CRYBG3: variants seen among roughly 807,000 people sequenced by gnomAD.
CRYBG3 encodes the protein very large A-kinase anchor protein.
CRYBG3 carries 127 observed loss-of-function variants against 244.2 expected under a neutral mutation model. That is an observed-to-expected ratio of 0.52 (90% CI 0.45 to 0.60). CRYBG3 has a LOEUF of 0.60. Ranked by LOEUF, CRYBG3 falls within the 20% of genes least tolerant of loss-of-function variation. The pLI is 0.00. For missense variants in CRYBG3, 3,325 were observed against 3,442.5 expected, an observed-to-expected ratio of 0.97 and a Z score of 0.85; for synonymous variants, 1,132 against 1,195.8, an observed-to-expected ratio of 0.95 and a Z score of 1.10.
intron 3 of CRYBG3, chr3:97,866,930 T>C (rs1051352397): frequency 1.3e-5 from 2 of 152,198 alleles, no homozygotes; most frequent in African/African-American, 4.8e-5. Context: ...CCGGCTTCCT[T>C]CAGGCCTAGC....
At position 97,845,065 on chromosome 3, in the gene CRYBG3, C is replaced by T. The variant is rs1006842360; in HGVS notation, c.216+1804C>T. On this transcript the variant is annotated intron_variant, in intron 2 of 21. Transcript: ENST00000389622. Reference sequence around the variant, plus strand: ...ACTGGTAGGATTTCTTCAACCTAGCCGCACAGACCCAGTTGTTCAGGGACT... The same window carrying T: ...ACTGGTAGGATTTCTTCAACCTAGCTGCACAGACCCAGTTGTTCAGGGACT... Among the ~76,000 whole-genome samples the T allele has an allele frequency of 6.6e-5, 10 of 152,092 alleles. No individual in the cohort carries two copies. The East Asian group carries it at 1.3e-3, about 20-fold the overall frequency.
rs12497993 is a variant in CRYBG3, at chr3:97,929,075, C to A, written c.8242-4619C>A. 2.7e-3 allele frequency among the ~76,000 whole-genome samples: 410 copies of A among 151,892 alleles called. 1 individual carries two copies. The highest frequency in any genetic ancestry group is 6.8e-3 in the Middle Eastern group (2 of 294). The stretch of plus-strand genomic sequence containing the variant: ...GAAATTTTCATTTATACAATTTGGT[C>A]GAGTATTCTTTTTCTTTGACAACTA... On this transcript the variant is annotated intron_variant, in intron 17 of 21. Transcript: ENST00000389622.
intron 12 of CRYBG3, among the ~76,000 whole-genome samples, chr3:97,896,568 A>T (rs2039642759): frequency 6.6e-6 from 1 of 152,342 alleles, no homozygotes; most frequent in African/African-American, 2.4e-5. Flanking sequence ...GAAGTTCTAG[A>T]AACAGGGTGA....
intron 18 of CRYBG3, among the ~76,000 whole-genome samples, chr3:97,935,997 A>AC (rs2040159728): frequency 6.6e-6 from 1 of 152,096 alleles, no homozygotes; most frequent in African/African-American, 2.4e-5. Context: ...TGACTCCAGC[A>AC]CATTCTCTTT....
At position 97,822,308 on chromosome 3, in the gene CRYBG3, G is replaced by A. The variant is rs1347918845; in HGVS notation, c.102G>A (p.Glu34=). 7 of 1,523,792 alleles carry A rather than the reference G, an allele frequency of 4.6e-6. No homozygotes were observed. The highest frequency in any genetic ancestry group is 6.1e-6 in the Non-Finnish European group (7 of 1,141,456). The allele number at this position is 1,523,792 out of a possible 1,614,324, so 94.4% of individuals were successfully genotyped here. A position where few individuals can be genotyped will look rare whatever the true frequency, so the allele number is the denominator to read the frequency against. ...PSRDKEEEEE[E]RPGTSPPPAP... is the part of the protein sequence containing the mutation. ...GGGACAAGGAAGAGGAAGAGGAGGA[G>A]AGGCCGGGGACGAGCCCGCCTCCAG... The change falls in exon 1 of 22, where the codon GAG becomes GAA. Residue 34 remains glutamate (E), a synonymous_variant. Coordinates refer to ENST00000389622, the MANE Select transcript of CRYBG3 (RefSeq NM_153605.4).
chr3:97,822,518 C>G (rs1257095379), intron 1 of CRYBG3, among the ~76,000 whole-genome samples, 163 bp downstream of exon 1: 3 of 152,268 alleles, frequency 2.0e-5, no homozygotes, highest in African/African-American at 2.4e-5. Flanking sequence ...CTCCTTGCCC[C>G]GTTCCCGTGC....
At chr3:97,835,162 T>G (rs1576509586) in intron 1 of CRYBG3, among the ~76,000 whole-genome samples, 1 of 152,190 alleles carries the variant, frequency 6.6e-6, no homozygotes, top group East Asian at 1.9e-4. Flanking sequence ...ATATAATTAT[T>G]AGAACAACTT....
In CRYBG3 at chr3:97,843,476, G is replaced by A. The variant is rs1038156780; in HGVS notation, c.216+215G>A. 7.9e-5 allele frequency among the ~76,000 whole-genome samples: 12 copies of A among 152,302 alleles called. No homozygotes were observed. In the East Asian group the frequency reaches 2.3e-3, roughly 29 times the overall value. On this transcript the variant is annotated intron_variant, in intron 2 of 21. Transcript: ENST00000389622. ...AGGCTCTGAGAAGGGAGTATACAGA[G>A]TGGTGTTCTTGGCTTTGCCACTAAC...
intron 2 of CRYBG3, 32 bp downstream of exon 2, chr3:97,843,293 A>G: frequency 9.9e-7 from 1 of 1,011,476 alleles, no homozygotes. Context: ...ATTTTATATC[A>G]AGCAAATATC....
At chr3:97,829,107 C>T (rs1378014533) in intron 1 of CRYBG3, among the ~76,000 whole-genome samples, 1 of 151,712 alleles carries the variant, frequency 6.6e-6, no homozygotes, top group African/African-American at 2.4e-5. Flanking sequence ...CTGGTGAATA[C>T]CTGTGGCTAA....
chr3:97,933,569 A>T, intron 17 of CRYBG3, 125 bp from the exon 18 acceptor site: 1 of 940,062 alleles, frequency 1.1e-6, no homozygotes, highest in Non-Finnish European at 1.7e-6. Flanking sequence ...TAGCAACCTT[A>T]GAGAGTAAAA....
chr3:97,833,293 G>A (rs1213980377), intron 1 of CRYBG3, among the ~76,000 whole-genome samples: 1 of 152,144 alleles, frequency 6.6e-6, no homozygotes, highest in Non-Finnish European at 1.5e-5. Flanking sequence ...GTACACAATA[G>A]CAAAGACTTG....
rs770638634 is a variant in CRYBG3 at position 97,874,462 on chromosome 3, A to C, written c.3268A>C (p.Lys1090Gln). ...TAATTTGGATTCTATACAAGTTACC[A>C]AAGATCTCACACATGAAGGTACCTC... ...QNNLDSIQVT[K>Q]DLTHEGTSVT... is the part of the protein sequence containing the mutation. Residue 1090 changes from lysine to glutamine, a missense_variant, in exon 4 of 22, where the codon AAA becomes CAA. Lys to Gln is a moderately conservative substitution (Grantham distance 53). Around this residue, in one of 4 missense-constraint regions of CRYBG3, gnomAD observed 1,526 missense variants for 1,443.2 expected, o/e 1.06. Coordinates refer to ENST00000389622, the MANE Select transcript of CRYBG3 (RefSeq NM_153605.4). 4.0e-5 allele frequency: 61 copies of C among 1,534,654 alleles called. No individual in the cohort carries two copies. In the East Asian group the frequency reaches 1.5e-3, roughly 37 times the overall value.
chr3:97,935,918 T>C (rs909225432), intron 18 of CRYBG3, among the ~76,000 whole-genome samples: 10 of 152,254 alleles, frequency 6.6e-5, no homozygotes, highest in Admixed American at 6.5e-4. Context: ...CATCTCATCC[T>C]GCACACACTT....
At position 97,877,928 on chromosome 3, in the gene CRYBG3, A is replaced by G; in HGVS notation, c.6734A>G (p.Gln2245Arg). The G allele has an allele frequency of 1.2e-6, 2 of 1,614,146 alleles. No homozygotes were observed. Among genetic ancestry groups the G allele is most frequent in the Non-Finnish European group, 1.7e-6 (2 of 1,179,976 alleles). ...SAYHQYLQTS[Q>R]SHSSEKGARF... is the part of the protein sequence containing the mutation. ...TATCATCAGTATCTGCAGACTTCCCAAAGTCATTCCTCAGAAAAAGGAGCC... is the reference window on the plus strand; with the variant it reads ...TATCATCAGTATCTGCAGACTTCCCGAAGTCATTCCTCAGAAAAAGGAGCC... The change falls in exon 4 of 22, where the codon CAA becomes CGA. Residue 2245 changes from glutamine to arginine, a missense_variant. Physicochemically the swap from Gln to Arg is conservative, Grantham distance 43. Coordinates refer to ENST00000389622, the MANE Select transcript of CRYBG3 (RefSeq NM_153605.4).
chr3:97,879,435 A>G (rs933322024), intron 4 of CRYBG3, among the ~76,000 whole-genome samples: 7 of 152,170 alleles, frequency 4.6e-5, no homozygotes, highest in African/African-American at 1.4e-4. Flanking sequence ...TTACCTGTGA[A>G]TGTAACTTAG....
intron 2 of CRYBG3, among the ~76,000 whole-genome samples, chr3:97,855,334 T>TA (rs2039048425): frequency 6.6e-6 from 1 of 152,166 alleles, no homozygotes; most frequent in Admixed American, 6.5e-5. Context: ...CTGCTTTTGT[T>TA]ATCAGGGTAA....
At chr3:97,928,514 T>C (rs1639471187) in intron 17 of CRYBG3, among the ~76,000 whole-genome samples, 1 of 151,924 alleles carries the variant, frequency 6.6e-6, no homozygotes, top group African/African-American at 2.4e-5. Context: ...ACATGCAATT[T>C]ATCCATGTAA....
At chr3:97,862,164 A>G (rs372743584) in intron 2 of CRYBG3, among the ~76,000 whole-genome samples, 76 of 152,280 alleles carry the variant, frequency 5.0e-4, no homozygotes, top group African/African-American at 1.7e-3. Context: ...CACAAAATGT[A>G]TCTTCCTCAT....
Sources: gnomAD v4.1 joint callset for allele counts (sites outside exome capture counted in the v4.1 genomes callset) on GRCh38, gnomAD v4.1.1 for gene constraint, gnomAD v4.1.1 regional missense constraint, MANE v1.5 for transcripts, NCBI Gene and HGNC (gene_info 2026-07-23, HGNC 2026-07-21) for gene names.